The following SF3A2 variants were observed in gnomAD, a reference collection of about 807,000 sequenced individuals.
The protein encoded by SF3A2 is SAP 62.
A neutral mutation model predicts 31.1 loss-of-function variants in SF3A2; 5 were observed. The ratio of observed to expected loss-of-function variants is 0.16; its 90% CI spans 0.08 to 0.34. The LOEUF (loss-of-function observed/expected upper bound fraction) is 0.34, where lower values mean the gene tolerates loss of function less well. Among genes scored for constraint, SF3A2 ranks in the 10% least tolerant of loss-of-function variants. The pLI is 1.00. For synonymous variants in SF3A2, 365 were observed against 263.7 expected (o/e 1.38, Z -3.72); for missense variants, 577 against 643.9 (o/e 0.90, Z 1.13).
chr19:2,247,943 GC>G lies in SF3A2; in HGVS notation c.798del (p.Thr267GlnfsTer179). ...CAGGAGGCCTGCCTCTGCCACCCAT[GC>G]CCCCCACAGGGCCTGCGCCCTCAGG... is the stretch of plus-strand genomic sequence containing the variant. ...PPGGLPLPPM[P>X]PTGPAPSGPP... On this transcript the variant is annotated frameshift_variant, in exon 9 of 9. Transcript: ENST00000221494. LOFTEE classifies it low-confidence loss of function (END_TRUNC). 1.4e-5 allele frequency: 21 copies of G among 1,457,312 alleles called. No individual in the cohort carries two copies. Among genetic ancestry groups the G allele is most frequent in the Admixed American group, 1.8e-5 (1 of 55,916 alleles). 90.3% of individuals were successfully genotyped at this position (1,457,312 alleles called of 1,614,324 possible). A position where few individuals can be genotyped will look rare whatever the true frequency, so the allele number is the denominator to read the frequency against.
intron 1 of SF3A2, among the ~76,000 whole-genome samples, chr19:2,240,547 A>G (rs766054569): frequency 5.9e-5 from 9 of 152,062 alleles, no homozygotes; most frequent in Non-Finnish European, 1.0e-4. Flanking sequence ...GTGGTTGAGT[A>G]TTGGTCTGGG....
chr19:2,243,363 C>T lies in SF3A2; in HGVS notation c.-37-19C>T. ...CGAGTTCTGAGCCATCTTCCTCACT[C>T]TCCTCTTGGCCTCCACAGGTGTCTC... On this transcript the variant is annotated intron_variant, in intron 1 of 8. Transcript: ENST00000221494. 1.4e-6 allele frequency: 2 copies of T among 1,470,958 alleles called. No individual in the cohort carries two copies. Among genetic ancestry groups the T allele is most frequent in the Non-Finnish European group, 1.8e-6 (2 of 1,113,344 alleles). 91.1% of individuals were successfully genotyped at this position (1,470,958 alleles called of 1,614,324 possible).
intron 7 of SF3A2, 53 bp from the exon 8 acceptor site, chr19:2,247,541 G>T (rs1204911937): frequency 3.1e-6 from 5 of 1,591,250 alleles, no homozygotes; most frequent in Non-Finnish European, 4.3e-6. Flanking sequence ...CTGCCTGATG[G>T]TCGCCCTGAG....
Position 2,248,522 on chromosome 19 carries a change from A to G in SF3A2, c.1371A>G (p.Ile457Met). ...PPLPSEGPGN[I>M]PPPPPTN is the part of the protein sequence containing the mutation. ...TTCCCTCCGAAGGCCCAGGGAACAT[A>G]CCTCCCCCTCCCCCAACCAACTGAG... Residue 457 changes from isoleucine (I) to methionine (M), a missense_variant, in exon 9 of 9, where the codon ATA becomes ATG. Transcript: ENST00000221494. The G allele has an allele frequency of 1.9e-6, 2 of 1,052,940 alleles. No homozygotes were observed. Among genetic ancestry groups the G allele is most frequent in the Non-Finnish European group, 2.5e-6 (2 of 815,646 alleles). The allele number at this position is 1,052,940 out of a possible 1,614,324, so 65.2% of individuals were successfully genotyped here.
At chr19:2,237,304 C>T (rs2024834625) in intron 1 of SF3A2, 3 of 150,822 alleles carry the variant, frequency 2.0e-5, no homozygotes, top group Admixed American at 6.7e-5. Context: ...CCTGTAGGCC[C>T]AGCTACTCGA....
Position 2,248,389 on chromosome 19 carries a change from G to C in SF3A2, c.1238G>C (p.Gly413Ala). The change falls in exon 9 of 9, where the codon GGG (glycine) becomes GCG (alanine). Residue 413 changes from glycine (G) to alanine (A), a missense_variant. Physicochemically the swap from Gly to Ala is moderately conservative, Grantham distance 60. Coordinates refer to ENST00000221494, the MANE Select transcript of SF3A2 (RefSeq NM_007165.5). The stretch of plus-strand genomic sequence containing the variant: ...CCGGGGGTCCACCCCCAACCTCCCG[G>C]GGTCCATCCGTCGGCTCCTGGGGTC... ...QAPGVHPQPPGVHPSAPGVHP... is the reference protein window; with the variant it reads ...QAPGVHPQPPAVHPSAPGVHP... 7.2e-7 allele frequency: 1 copy of C among 1,379,524 alleles called. No homozygotes were observed. The highest frequency in any genetic ancestry group is 9.3e-7 in the Non-Finnish European group (1 of 1,071,190). 85.5% of individuals were successfully genotyped at this position (1,379,524 alleles called of 1,614,324 possible). A position where few individuals can be genotyped will look rare whatever the true frequency, so the allele number is the denominator to read the frequency against.
chr19:2,242,164 C>T (rs779392822), intron 1 of SF3A2, among the ~76,000 whole-genome samples: 23 of 151,756 alleles, frequency 1.5e-4, no homozygotes, highest in Non-Finnish European at 1.8e-4. Context: ...TGTCCCTCAG[C>T]GTGCCCCTGC....
intron 1 of SF3A2, among the ~76,000 whole-genome samples, chr19:2,239,270 C>A (rs1289281351): frequency 4.0e-5 from 6 of 148,404 alleles, no homozygotes. Flanking sequence ...GAGGCTAAGG[C>A]AGGAGAATGG....
At chr19:2,240,756 G>A (rs951467500) in intron 1 of SF3A2, among the ~76,000 whole-genome samples, 2 of 152,222 alleles carry the variant, frequency 1.3e-5, no homozygotes, top group Admixed American at 6.5e-5. Context: ...CCCAGCCATC[G>A]TGTCATTAGA....
intron 1 of SF3A2, among the ~76,000 whole-genome samples, chr19:2,238,631 A>G (rs1427273427): frequency 6.6e-6 from 1 of 152,184 alleles, no homozygotes; most frequent in African/African-American, 2.4e-5. Context: ...GTACCATTCT[A>G]TCTTCCCTTA....
At position 2,246,404 on chromosome 19, in the gene SF3A2, G is replaced by A. The variant is rs4806833; in HGVS notation, c.356-349G>A. ...GTGTCAGCCCTGTTCAGGCGGCCCC[G>A]CTCGAATCCCAGAGCCAGGGTGCCG... On this transcript the variant is annotated intron_variant, in intron 5 of 8. Transcript: ENST00000221494. The surrounding 1 kb of genome is among the most constrained non-coding windows in gnomAD (Gnocchi z 5.5). Among the ~76,000 whole-genome samples the A allele has an allele frequency of 0.83, 126,092 of 151,992 alleles. 53,146 individuals carry two copies. Among genetic ancestry groups the A allele is most frequent in the Non-Finnish European group, 0.91 (61,913 of 67,956 alleles).
In SF3A2 at chr19:2,245,038, A is replaced by G; in HGVS notation, c.245+259A>G. On this transcript the variant is annotated intron_variant, in intron 4 of 8. Transcript: ENST00000221494. The surrounding 1 kb of genome is among the most constrained non-coding windows in gnomAD (Gnocchi z 4.2). ...CATCTCTACTAAAAATACAAAAATT[A>G]GGCCAGGCATGGTGGCACACGTCTG... is the stretch of plus-strand genomic sequence containing the variant. 1.8e-6 allele frequency: 1 copy of G among 556,792 alleles called. No homozygotes were observed. Among genetic ancestry groups the G allele is most frequent in the Non-Finnish European group, 3.2e-6 (1 of 311,162 alleles). 34.5% of individuals were successfully genotyped at this position (556,792 alleles called of 1,614,324 possible).
At chr19:2,239,791 T>A (rs1293747691) in intron 1 of SF3A2, among the ~76,000 whole-genome samples, 1 of 152,216 alleles carries the variant, frequency 6.6e-6, no homozygotes, top group Non-Finnish European at 1.5e-5. Context: ...TATGAAAGAT[T>A]TGTTTGGCTC....
rs967802784 is a variant in SF3A2 at position 2,246,089 on chromosome 19, C to G, written c.355+534C>G. Among the ~76,000 whole-genome samples the G allele has an allele frequency of 6.6e-6, 1 of 152,168 alleles. No homozygotes were observed. Among genetic ancestry groups the G allele is most frequent in the Non-Finnish European group, 1.5e-5 (1 of 68,028 alleles). On this transcript the variant is annotated intron_variant, in intron 5 of 8. Transcript: ENST00000221494. This position sits in a 1 kb window ranked among gnomAD's most constrained non-coding sequence, Gnocchi z 5.5. ...CCCAGCAAGTGTTCTTTACAGAAGG[C>G]GGGGACAGCCTGTGTGCCTGGCCTC...
In SF3A2 at chr19:2,248,496, C is replaced by T; in HGVS notation, c.1345C>T (p.Leu449Phe). 8.4e-7 allele frequency: 1 copy of T among 1,187,768 alleles called. No homozygotes were observed. Among genetic ancestry groups the T allele is most frequent in the Non-Finnish European group, 1.1e-6 (1 of 911,256 alleles). The allele number at this position is 1,187,768 out of a possible 1,614,324, so 73.6% of individuals were successfully genotyped here. A position where few individuals can be genotyped will look rare whatever the true frequency, so the allele number is the denominator to read the frequency against. ...CATGCCCCCAATGCTGAGGCCCCCACTTCCCTCCGAAGGCCCAGGGAACAT... is the reference window on the plus strand; with the variant it reads ...CATGCCCCCAATGCTGAGGCCCCCATTTCCCTCCGAAGGCCCAGGGAACAT... Reference protein sequence around the residue: ...TPMPPMLRPPLPSEGPGNIPP... With the variant: ...TPMPPMLRPPFPSEGPGNIPP... Residue 449 changes from leucine to phenylalanine, a missense_variant, in exon 9 of 9, where the codon CTT (leucine) becomes TTT (phenylalanine). Leu to Phe is a conservative substitution (Grantham distance 22). Around this residue, in one of 6 missense-constraint regions of SF3A2, gnomAD observed 462 missense variants for 339.1 expected, o/e 1.36. Coordinates refer to ENST00000221494, the MANE Select transcript of SF3A2 (RefSeq NM_007165.5).
chr19:2,246,358 C>G lies in SF3A2; in HGVS notation c.356-395C>G, dbSNP rs1055518802. Among the ~76,000 whole-genome samples the G allele has an allele frequency of 9.2e-5, 14 of 152,140 alleles. No individual in the cohort carries two copies. Among genetic ancestry groups the G allele is most frequent in the East Asian group, 1.9e-4 (1 of 5,192 alleles). ...TGAGCTCTGGCGGGAAGGGCATCCT[C>G]TCTCGCTCACCGTATACATGGTGTC... On this transcript the variant is annotated intron_variant, in intron 5 of 8. Transcript: ENST00000221494. This position sits in a 1 kb window ranked among gnomAD's most constrained non-coding sequence, Gnocchi z 5.5.
Position 2,248,413 on chromosome 19 carries a change from T to C in SF3A2, c.1262T>C (p.Val421Ala). ...PPGVHPSAPG[V>A]HPQPPGVHPS... ...GGGGTCCATCCGTCGGCTCCTGGGG[T>C]CCACCCTCAGCCTCCGGGAGTTCAC... Residue 421 changes from valine (V) to alanine (A), a missense_variant, in exon 9 of 9, where the codon GTC becomes GCC. Coordinates refer to ENST00000221494, the MANE Select transcript of SF3A2 (RefSeq NM_007165.5). The C allele has an allele frequency of 7.3e-7, 1 of 1,369,482 alleles. No individual in the cohort carries two copies. Among genetic ancestry groups the C allele is most frequent in the Non-Finnish European group, 9.4e-7 (1 of 1,067,226 alleles). 84.8% of individuals were successfully genotyped at this position (1,369,482 alleles called of 1,614,324 possible). A position where few individuals can be genotyped will look rare whatever the true frequency, so the allele number is the denominator to read the frequency against.
In SF3A2 at chr19:2,245,112, A is replaced by T. The variant is rs1479589754; in HGVS notation, c.245+333A>T. The T allele has an allele frequency of 2.0e-6, 1 of 496,454 alleles. No homozygotes were observed. The highest frequency in any genetic ancestry group is 3.4e-5 in the East Asian group (1 of 29,218). 30.8% of individuals were successfully genotyped at this position (496,454 alleles called of 1,614,324 possible). On this transcript the variant is annotated intron_variant, in intron 4 of 8. Coordinates refer to ENST00000221494, the MANE Select transcript of SF3A2 (RefSeq NM_007165.5). This position sits in a 1 kb window ranked among gnomAD's most constrained non-coding sequence, Gnocchi z 4.2. ...GAGGCAGGAGAATCTTGAATCTGGGAGGCAGAGATTGCAGTGAACCAAGGT... is the reference window on the plus strand; with the variant it reads ...GAGGCAGGAGAATCTTGAATCTGGGTGGCAGAGATTGCAGTGAACCAAGGT...
chr19:2,247,391 G>A (rs2024948149), intron 7 of SF3A2, among the ~76,000 whole-genome samples: 1 of 152,278 alleles, frequency 6.6e-6, no homozygotes. Context: ...TGCCCAGGGA[G>A]GGGGCCAACA....
Sources: gnomAD v4.1 joint callset for allele counts (sites outside exome capture counted in the v4.1 genomes callset) on GRCh38, gnomAD v4.1.1 for gene constraint, gnomAD v4.1.1 regional missense constraint, Gnocchi (gnomAD v3.1) non-coding constraint, MANE v1.5 for transcripts, NCBI Gene and HGNC (gene_info 2026-07-23, HGNC 2026-07-21) for gene names.